The following TNRC18 variants were observed in gnomAD, a reference collection of about 807,000 sequenced individuals.
TNRC18 encodes trinucleotide repeat containing 18.
TNRC18 carries 69 observed loss-of-function variants against 226.7 expected under a neutral mutation model. The ratio of observed to expected loss-of-function variants is 0.30; its 90% CI spans 0.25 to 0.37. The LOEUF (loss-of-function observed/expected upper bound fraction) is 0.37, where lower values mean the gene tolerates loss of function less well. Ranked by LOEUF, TNRC18 falls within the 10% of genes least tolerant of loss-of-function variation. The pLI, the probability that TNRC18 is intolerant of heterozygous loss-of-function variation, is 1.00. For synonymous variants in TNRC18, 2,449 were observed against 1,927.6 expected, an observed-to-expected ratio of 1.27 and a Z score of -7.09; for missense variants, 4,754 against 4,256.6, an observed-to-expected ratio of 1.12 and a Z score of -3.25.
chr7:5,416,410 G>C (rs556375792), intron 2 of TNRC18, among the ~76,000 whole-genome samples: 1 of 152,082 alleles, frequency 6.6e-6, no homozygotes, highest in Non-Finnish European at 1.5e-5. Flanking sequence ...GCGAGACTCC[G>C]TCTCAAAAAA....
intron 18 of TNRC18, among the ~76,000 whole-genome samples, chr7:5,334,297 CTTT>C (rs36114662): frequency 1.4e-5 from 2 of 147,700 alleles, no homozygotes; most frequent in Non-Finnish European, 3.0e-5. Context: ...TATTAATTAA[CTTT>C]TTTTTTTTTT....
chr7:5,312,487 G>A lies in TNRC18; in HGVS notation c.8388+16C>T. On this transcript the variant is annotated intron_variant, in intron 27 of 29. Coordinates refer to ENST00000430969, the MANE Select transcript of TNRC18 (RefSeq NM_001080495.3). This position sits in a 1 kb window ranked among gnomAD's most constrained non-coding sequence, Gnocchi z 6.3. ...CCCCCGGCCCCTCGGCCGTGCCCGG[G>A]CGCGAGCTTGCTCACCTGGGTGGGC... 1 of 1,608,696 alleles carries A rather than the reference G, an allele frequency of 6.2e-7. No individual in the cohort carries two copies. The highest frequency in any genetic ancestry group is 8.5e-7 in the Non-Finnish European group (1 of 1,178,736).
At chr7:5,412,542 C>T (rs1381840664) in intron 2 of TNRC18, among the ~76,000 whole-genome samples, 1 of 151,856 alleles carries the variant, frequency 6.6e-6, no homozygotes, top group Non-Finnish European at 1.5e-5. Context: ...CGCCACCGCA[C>T]CCCAGCCTGG....
Position 5,388,138 on chromosome 7 carries a change from C to T in TNRC18, c.1686G>A (p.Ala562=), listed in dbSNP as rs1418140491. 1.9e-6 allele frequency: 3 copies of T among 1,558,368 alleles called. No individual in the cohort carries two copies. Among genetic ancestry groups the T allele is most frequent in the Non-Finnish European group, 2.6e-6 (3 of 1,152,804 alleles). Residue 562 remains alanine (A), a synonymous_variant, in exon 5 of 30, where the codon GCG becomes GCA. Transcript: ENST00000430969. ...LDPGAVLPRS[A]ATCGRPVADM... ...CAGCGACCGGCCGGCCGCAGGTGGC[C>T]GCCGAGCGGGGCAGCACAGCCCCAG...
At chr7:5,382,496 T>C (rs992288979) in intron 5 of TNRC18, among the ~76,000 whole-genome samples, 3 of 152,110 alleles carry the variant, frequency 2.0e-5, no homozygotes, top group Non-Finnish European at 2.9e-5. Flanking sequence ...CTTCCTGGCC[T>C]CTCTCTGAGC....
At chr7:5,353,687 C>T (rs1389406316) in intron 16 of TNRC18, among the ~76,000 whole-genome samples, 3 of 152,154 alleles carry the variant, frequency 2.0e-5, no homozygotes. Flanking sequence ...CTGGACACAC[C>T]CCTACCTCCT....
intron 2 of TNRC18, among the ~76,000 whole-genome samples, chr7:5,417,595 G>A (rs558817219): frequency 1.4e-4 from 21 of 152,320 alleles, no homozygotes; most frequent in African/African-American, 3.6e-4. Flanking sequence ...GTTCACTGCC[G>A]CATTCCTGGG....
intron 2 of TNRC18, among the ~76,000 whole-genome samples, chr7:5,407,601 C>G (rs1456999140): frequency 6.6e-6 from 1 of 152,228 alleles, no homozygotes; most frequent in African/African-American, 2.4e-5. Context: ...TGGGCAGGGA[C>G]TTTGTCTTGC....
chr7:5,413,344 G>A (rs1409559048), intron 2 of TNRC18, among the ~76,000 whole-genome samples: 3 of 151,866 alleles, frequency 2.0e-5, no homozygotes, highest in Non-Finnish European at 2.9e-5. Flanking sequence ...CAAGTGGTTC[G>A]CACCCAAGCC....
Position 5,386,993 on chromosome 7 carries a change from G to C in TNRC18, c.2152+679C>G, listed in dbSNP as rs552963357. On this transcript the variant is annotated intron_variant, in intron 5 of 29. Transcript: ENST00000430969. The stretch of plus-strand genomic sequence containing the variant: ...GGAGGCTGAGCCAGGAGAATCACTT[G>C]AACTTGGGAGGCGGAGGTTGCGGTG... Among the ~76,000 whole-genome samples the C allele has an allele frequency of 2.0e-5, 3 of 152,298 alleles. No homozygotes were observed. In the East Asian group the frequency reaches 5.8e-4, roughly 29 times the overall value.
intron 16 of TNRC18, among the ~76,000 whole-genome samples, chr7:5,354,736 C>T (rs907210145): frequency 4.6e-5 from 7 of 152,104 alleles, no homozygotes; most frequent in Admixed American, 6.5e-5. Flanking sequence ...CTAGGACAGA[C>T]GAAACACACG....
At chr7:5,399,821 T>A (rs1197115468) in intron 2 of TNRC18, among the ~76,000 whole-genome samples, 1 of 151,850 alleles carries the variant, frequency 6.6e-6, no homozygotes, top group Non-Finnish European at 1.5e-5. Flanking sequence ...GGTCAGGAGT[T>A]CGAGACCAGC....
chr7:5,345,191 G>T (rs536558750), intron 18 of TNRC18, among the ~76,000 whole-genome samples: 10 of 152,266 alleles, frequency 6.6e-5, no homozygotes, highest in African/African-American at 2.4e-4. Flanking sequence ...GTAACCCCAC[G>T]TCTCTCTCAC....
In TNRC18 at chr7:5,370,587, T is replaced by A. The variant is rs758345804; in HGVS notation, c.4007A>T (p.Glu1336Val). Residue 1336 changes from glutamate to valine, a missense_variant, in exon 11 of 30, where the codon GAG becomes GTG. Transcript: ENST00000430969. ...GGCGTTCATGCCAGCCAGTGGGTCC[T>A]CCAGACTGGGCAGGAACTGGTCAGA... ...ASSDQFLPSL[E>V]DPLAGMNALA... The A allele has an allele frequency of 1.2e-6, 2 of 1,613,200 alleles. No individual in the cohort carries two copies. Among genetic ancestry groups the A allele is most frequent in the Non-Finnish European group, 1.7e-6 (2 of 1,179,698 alleles).
Position 5,377,226 on chromosome 7 carries a change from C to T in TNRC18, c.2461+145G>A, listed in dbSNP as rs540290062. On this transcript the variant is annotated intron_variant, in intron 7 of 29. Transcript: ENST00000430969. The surrounding 1 kb of genome is among the most constrained non-coding windows in gnomAD (Gnocchi z 5.8). ...GGCCCCACGAGGCAGAGGCCATTAT[C>T]ATTCCTTCTTCCGACGAATGCGGGA... 2.5e-5 allele frequency: 28 copies of T among 1,101,550 alleles called. No homozygotes were observed. The Admixed American group carries it at 5.8e-4, about 23-fold the overall frequency. 68.2% of individuals were successfully genotyped at this position (1,101,550 alleles called of 1,614,324 possible).
chr7:5,385,350 C>T (rs1244472041), intron 5 of TNRC18, among the ~76,000 whole-genome samples: 2 of 151,596 alleles, frequency 1.3e-5, no homozygotes, highest in Admixed American at 6.6e-5. Context: ...TAGCCGGGCG[C>T]GGTGGCGGGC....
intron 16 of TNRC18, among the ~76,000 whole-genome samples, chr7:5,354,736 CG>C (rs1324124350): frequency 1.3e-5 from 2 of 152,104 alleles, no homozygotes; most frequent in African/African-American, 4.8e-5. Flanking sequence ...CTAGGACAGA[CG>C]AAACACACGC....
intron 2 of TNRC18, among the ~76,000 whole-genome samples, chr7:5,419,605 GA>G (rs1487943568): frequency 2.0e-5 from 3 of 151,812 alleles, no homozygotes; most frequent in Non-Finnish European, 1.5e-5. Flanking sequence ...CGCCACTAGA[GA>G]ACAAACCCTT....
chr7:5,390,155 G>A (rs1237544820), intron 4 of TNRC18: 2 of 443,234 alleles, frequency 4.5e-6, no homozygotes, highest in Non-Finnish European at 7.9e-6. Context: ...CTTGAGGCCA[G>A]GAGTTTGAAA....
Sources: allele counts gnomAD v4.1 joint callset (sites outside exome capture counted in the v4.1 genomes callset), GRCh38; gene constraint gnomAD v4.1.1; non-coding constraint Gnocchi (gnomAD v3.1); transcripts MANE v1.5; gene names NCBI Gene and HGNC (gene_info 2026-07-23, HGNC 2026-07-21).